ZC3H12C: variants seen among roughly 807,000 people sequenced by gnomAD.
ZC3H12C encodes the protein probable ribonuclease ZC3H12C.
In ZC3H12C, 20 loss-of-function variants were observed where a neutral mutation model predicts 76.3. That is an observed-to-expected ratio of 0.26 (90% CI 0.18 to 0.38). The LOEUF (loss-of-function observed/expected upper bound fraction) is 0.38. Among genes scored for constraint, ZC3H12C ranks in the 10% least tolerant of loss-of-function variants. ZC3H12C has a pLI of 1.00. For missense variants in ZC3H12C, 874 were observed against 1,086.5 expected, an observed-to-expected ratio of 0.80 and a Z score of 2.75; for synonymous variants, 352 against 399.6, an observed-to-expected ratio of 0.88 and a Z score of 1.42.
At chr11:110,123,629 T>C (rs1305979503) in intron 1 of ZC3H12C, among the ~76,000 whole-genome samples, 1 of 152,246 alleles carries the variant, frequency 6.6e-6, no homozygotes, top group Non-Finnish European at 1.5e-5. Flanking sequence ...GACTGAATTT[T>C]TTTCTTCTTT....
At chr11:110,148,197 C>T (rs1022004831) in intron 2 of ZC3H12C, among the ~76,000 whole-genome samples, 12 of 152,174 alleles carry the variant, frequency 7.9e-5, no homozygotes, top group Admixed American at 4.6e-4. Context: ...CCAGAGATAC[C>T]AATAATCCCT....
chr11:110,147,939 T>C (rs1271687423), intron 2 of ZC3H12C, among the ~76,000 whole-genome samples: 2 of 152,218 alleles, frequency 1.3e-5, no homozygotes, highest in Admixed American at 1.3e-4. Flanking sequence ...AAAGGGAAGT[T>C]ATCTCCAGAA....
intron 3 of ZC3H12C, among the ~76,000 whole-genome samples, chr11:110,157,745 A>T (rs1236657834): frequency 1.3e-5 from 2 of 152,114 alleles, no homozygotes; most frequent in African/African-American, 2.4e-5. Context: ...ATCAATCTGT[A>T]TGCCAGGATT....
intron 2 of ZC3H12C, among the ~76,000 whole-genome samples, chr11:110,142,448 G>A (rs1862083166): frequency 6.6e-6 from 1 of 152,084 alleles, no homozygotes; most frequent in Non-Finnish European, 1.5e-5. Context: ...TTCTACTTTT[G>A]TTAATAAGAC....
intron 5 of ZC3H12C, 47 bp downstream of exon 5, chr11:110,163,426 T>C: frequency 6.8e-7 from 1 of 1,466,882 alleles, no homozygotes; most frequent in Non-Finnish European, 9.3e-7. Flanking sequence ...GAACACAATA[T>C]ATTATTAAAC....
At chr11:110,106,267 CA>C (rs1175153437) in intron 1 of ZC3H12C, among the ~76,000 whole-genome samples, 1 of 13,906 alleles carries the variant, frequency 7.2e-5, no homozygotes, top group African/African-American at 3.3e-4. Flanking sequence ...GACTCCGTCT[CA>C]AAAAAAATAA....
intron 1 of ZC3H12C, among the ~76,000 whole-genome samples, chr11:110,111,461 T>G (rs945043712): frequency 4.0e-5 from 6 of 151,622 alleles, no homozygotes; most frequent in African/African-American, 1.5e-4. Context: ...AAAATAAAAG[T>G]CAGTAACTTA....
In ZC3H12C at chr11:110,157,767, G is replaced by A. The variant is rs145637991; in HGVS notation, c.914-1489G>A. Among the ~76,000 whole-genome samples, 58 of 152,206 alleles carry A rather than the reference G, an allele frequency of 3.8e-4. 1 individual carries two copies. The South Asian group carries it at 5.0e-3, about 13-fold the overall frequency. On this transcript the variant is annotated intron_variant, in intron 3 of 5. Transcript: ENST00000278590. ...TGTATGCCAGGATTAGAGCTGACCC[G>A]TGTCACTCTTCCATCTGTACCCAGC...
At chr11:110,157,945 G>T (rs911167115) in intron 3 of ZC3H12C, among the ~76,000 whole-genome samples, 2 of 152,100 alleles carry the variant, frequency 1.3e-5, no homozygotes, top group African/African-American at 4.8e-5. Context: ...ATAATCATCC[G>T]TTGCAGAGAT....
chr11:110,121,543 A>T (rs1469503999), intron 1 of ZC3H12C, among the ~76,000 whole-genome samples: 1 of 152,190 alleles, frequency 6.6e-6, no homozygotes, highest in Non-Finnish European at 1.5e-5. Flanking sequence ...TCTAAAGAAA[A>T]GTTTTGTTAT....
At chr11:110,143,197 A>G (rs1862097523) in intron 2 of ZC3H12C, among the ~76,000 whole-genome samples, 2 of 152,222 alleles carry the variant, frequency 1.3e-5, no homozygotes, top group South Asian at 2.1e-4. Context: ...TTGGACTACA[A>G]TGAGAGAAAG....
At chr11:110,135,888 G>A (rs947652139) in intron 1 of ZC3H12C, 6 of 151,948 alleles carry the variant, frequency 3.9e-5, no homozygotes, top group Admixed American at 2.6e-4. Flanking sequence ...ACCTTTTCCT[G>A]GAATGAAATA....
At chr11:110,133,865 CTT>C (rs143740259) in intron 1 of ZC3H12C, among the ~76,000 whole-genome samples, 4,401 of 152,200 alleles carry the variant, frequency 0.029, 90 homozygotes, top group East Asian at 0.1. Flanking sequence ...AGTTTAAAAA[CTT>C]TGCAGTATCT....
chr11:110,163,136 G>A lies in ZC3H12C; in HGVS notation c.1149-137G>A, dbSNP rs549690691. ...CATTTACTGATTTCTTTTTTACTCT[G>A]TAAACGTGGAATCAAAACACTTGGA... is the stretch of plus-strand genomic sequence containing the variant. On this transcript the variant is annotated intron_variant, in intron 4 of 5. Coordinates refer to ENST00000278590, the MANE Select transcript of ZC3H12C (RefSeq NM_033390.2). 5.0e-4 allele frequency: 313 copies of A among 623,166 alleles called. 2 individuals are homozygous for A. In the East Asian group the frequency reaches 8.1e-3, roughly 16 times the overall value. The allele number at this position is 623,166 out of a possible 1,614,324, so 38.6% of individuals were successfully genotyped here.
intron 1 of ZC3H12C, among the ~76,000 whole-genome samples, chr11:110,095,091 CAG>C (rs1472222407): frequency 5.5e-4 from 84 of 152,094 alleles, no homozygotes; most frequent in Non-Finnish European, 1.2e-4. Flanking sequence ...GGATAGGAAA[CAG>C]AAACTTGGAA....
At chr11:110,129,576 A>G (rs570096261) in intron 1 of ZC3H12C, among the ~76,000 whole-genome samples, 2 of 152,248 alleles carry the variant, frequency 1.3e-5, no homozygotes, top group South Asian at 2.1e-4. Flanking sequence ...TACTTTTTAT[A>G]TCTTTAGAAT....
At position 110,159,374 on chromosome 11, in the gene ZC3H12C, T is replaced by G. The variant is rs777288731; in HGVS notation, c.1032T>G (p.Phe344Leu). ...ACAGGTTCATCGTGAAGCTGGCTTTTGAGTCGGACGGTATCATTGTGTCCA... is the reference window on the plus strand; with the variant it reads ...ACAGGTTCATCGTGAAGCTGGCTTTGGAGTCGGACGGTATCATTGTGTCCA... ...YDDRFIVKLA[F>L]ESDGIIVSND... is the part of the protein sequence containing the mutation. The change falls in exon 4 of 6, where the codon TTT (phenylalanine) becomes TTG (leucine). Residue 344 changes from phenylalanine to leucine, a missense_variant. Physicochemically the swap from Phe to Leu is conservative, Grantham distance 22. This residue lies in a region of ZC3H12C where 269 missense variants were observed against 424.9 expected (regional missense o/e 0.63). Coordinates refer to ENST00000278590, the MANE Select transcript of ZC3H12C (RefSeq NM_033390.2). The G allele has an allele frequency of 4.9e-5, 79 of 1,613,998 alleles. No individual in the cohort carries two copies. The highest frequency in any genetic ancestry group is 6.4e-5 in the Non-Finnish European group (75 of 1,180,006).
At chr11:110,148,627 T>C (rs694974) in intron 2 of ZC3H12C, among the ~76,000 whole-genome samples, 105,088 of 152,172 alleles carry the variant, frequency 0.69, 37,065 homozygotes, top group South Asian at 0.79. Context: ...ACTTGAGATA[T>C]ACCAATCTTC....
chr11:110,138,730 G>C (rs1336448844), intron 2 of ZC3H12C, among the ~76,000 whole-genome samples: 3 of 151,838 alleles, frequency 2.0e-5, no homozygotes, highest in South Asian at 4.2e-4. Flanking sequence ...GCTAATTTTT[G>C]TATTTTTTAG....
Sources: allele counts gnomAD v4.1 joint callset (sites outside exome capture counted in the v4.1 genomes callset), GRCh38; gene constraint gnomAD v4.1.1; regional missense constraint gnomAD v4.1.1; transcripts MANE v1.5; gene names NCBI Gene and HGNC (gene_info 2026-07-23, HGNC 2026-07-21).